SNTG2: variants seen among roughly 807,000 people sequenced by gnomAD.
SNTG2 encodes the protein gamma-2-syntrophin.
A neutral mutation model predicts 70.9 loss-of-function variants in SNTG2; 74 were observed. The observed-to-expected ratio is 1.04, with a 90% CI of 0.86 to 1.27. SNTG2 has a LOEUF of 1.27. Among genes scored for constraint, SNTG2 ranks in the 50% most tolerant of loss-of-function variants. The pLI is 0.00. For synonymous variants in SNTG2, 278 were observed against 273.8 expected (o/e 1.02, Z -0.15); for missense variants, 717 against 690.7 (o/e 1.04, Z -0.43).
chr2:1,242,364 G>A (rs572617432), intron 11 of SNTG2, among the ~76,000 whole-genome samples: 3 of 152,186 alleles, frequency 2.0e-5, no homozygotes, highest in Non-Finnish European at 4.4e-5. Context: ...ATAAATAAAG[G>A]TGTTTAACAA....
intron 6 of SNTG2, among the ~76,000 whole-genome samples, chr2:1,138,563 C>T (rs796935053): frequency 2.6e-5 from 4 of 151,924 alleles, no homozygotes; most frequent in Non-Finnish European, 4.4e-5. Context: ...AGGTGGAGGG[C>T]GAAGCGGGTG....
intron 16 of SNTG2, among the ~76,000 whole-genome samples, chr2:1,338,805 T>C (rs1324232063): frequency 2.6e-5 from 4 of 152,250 alleles, no homozygotes; most frequent in Non-Finnish European, 4.4e-5. Context: ...CTTTTGGCTA[T>C]TGTGAATAAT....
chr2:1,069,324 A>C (rs1174376580), intron 1 of SNTG2, among the ~76,000 whole-genome samples: 1 of 147,450 alleles, frequency 6.8e-6, no homozygotes, highest in Non-Finnish European at 1.5e-5. Context: ...AAATGAAAAA[A>C]ATTCTTATAT....
chr2:1,100,339 G>A (rs947489596), intron 4 of SNTG2, among the ~76,000 whole-genome samples: 7 of 152,062 alleles, frequency 4.6e-5, no homozygotes, highest in African/African-American at 1.4e-4. Flanking sequence ...GCTAATTTTT[G>A]TATTTTTAGT....
At chr2:980,974 A>C (rs1661078915) in intron 1 of SNTG2, among the ~76,000 whole-genome samples, 1 of 152,160 alleles carries the variant, frequency 6.6e-6, no homozygotes. Context: ...CTTATAGGGA[A>C]ACTTAGGCAA....
chr2:1,097,970 C>T lies in SNTG2; in HGVS notation c.211-226C>T, dbSNP rs1281694644. Among the ~76,000 whole-genome samples the T allele has an allele frequency of 6.6e-6, 1 of 151,960 alleles. No homozygotes were observed. The highest frequency in any genetic ancestry group is 1.5e-5 in the Non-Finnish European group (1 of 68,028). Reference sequence around the variant, plus strand: ...GTGGGGATTCTTCCTGGATTTCAGACAATGCCTGGAATGGGGCCTATTCTT... The same window carrying T: ...GTGGGGATTCTTCCTGGATTTCAGATAATGCCTGGAATGGGGCCTATTCTT... On this transcript the variant is annotated intron_variant, in intron 2 of 16. Coordinates refer to ENST00000308624, the MANE Select transcript of SNTG2 (RefSeq NM_018968.4). The surrounding 1 kb of genome is among the most constrained non-coding windows in gnomAD (Gnocchi z 4.1).
intron 16 of SNTG2, among the ~76,000 whole-genome samples, chr2:1,351,054 G>C (rs1660546465): frequency 6.6e-6 from 1 of 151,740 alleles, no homozygotes; most frequent in Non-Finnish European, 1.5e-5. Flanking sequence ...ATAAGTGTAG[G>C]AGTTATTTAT....
At chr2:1,361,490 T>C (rs1661142485) in intron 16 of SNTG2, among the ~76,000 whole-genome samples, 1 of 152,258 alleles carries the variant, frequency 6.6e-6, no homozygotes, top group South Asian at 2.1e-4. Context: ...TTTCTCCAAA[T>C]CTATGCAAAC....
chr2:1,037,861 C>T (rs10198369), intron 1 of SNTG2, among the ~76,000 whole-genome samples: 126,193 of 152,118 alleles, frequency 0.83, 53,496 homozygotes, highest in African/African-American at 0.96. Context: ...ACTTTCTGGT[C>T]GTCTTTAAGC....
At chr2:1,102,935 T>C (rs1389141900) in intron 4 of SNTG2, among the ~76,000 whole-genome samples, 1 of 152,218 alleles carries the variant, frequency 6.6e-6, no homozygotes, top group Non-Finnish European at 1.5e-5. Context: ...GCCTCTGAAT[T>C]GCCTGAGCAG....
chr2:1,112,749 G>T (rs1264794608), intron 4 of SNTG2, among the ~76,000 whole-genome samples: 1 of 149,742 alleles, frequency 6.7e-6, no homozygotes, highest in Admixed American at 6.6e-5. Flanking sequence ...ACTAAGTGAG[G>T]TTTAACCCTT....
chr2:1,336,838 A>G (rs774691140), intron 16 of SNTG2, among the ~76,000 whole-genome samples: 4 of 142,504 alleles, frequency 2.8e-5, no homozygotes, highest in Non-Finnish European at 4.9e-5. Context: ...CACTAGTACC[A>G]TGCTGTTTTG....
intron 1 of SNTG2, among the ~76,000 whole-genome samples, chr2:976,876 C>G (rs1387051224): frequency 6.6e-6 from 1 of 152,140 alleles, no homozygotes; most frequent in Non-Finnish European, 1.5e-5. Context: ...CAGATTTGCT[C>G]AGTTTACCCA....
chr2:952,819 C>T (rs763937672), intron 1 of SNTG2, among the ~76,000 whole-genome samples: 1 of 152,174 alleles, frequency 6.6e-6, no homozygotes. Flanking sequence ...GTATTTAAAA[C>T]GAATCTGTTA....
rs542743319 is a variant in SNTG2, at chr2:1,353,268, G to C, written c.1489-14075G>C. On this transcript the variant is annotated intron_variant, in intron 16 of 16. Transcript: ENST00000308624. The surrounding 1 kb of genome is among the most constrained non-coding windows in gnomAD (Gnocchi z 4.2). ...CAGAAACAGTGGGCGGAAGGAGCAC[G>C]ACCTGAGCTCCAGGGTGTGTTCATA... Among the ~76,000 whole-genome samples, 2 of 152,254 alleles carry C rather than the reference G, an allele frequency of 1.3e-5. No homozygotes were observed. Among genetic ancestry groups the C allele is most frequent in the South Asian group, 2.1e-4 (1 of 4,814 alleles).
chr2:979,692 C>G (rs1361617630), intron 1 of SNTG2, among the ~76,000 whole-genome samples: 1 of 152,124 alleles, frequency 6.6e-6, no homozygotes. Flanking sequence ...TTGCTTTTCT[C>G]AAGACCGGGA....
chr2:967,732 G>C (rs1003967848), intron 1 of SNTG2, among the ~76,000 whole-genome samples: 10 of 152,272 alleles, frequency 6.6e-5, no homozygotes, highest in East Asian at 5.8e-4. Context: ...ATACGAATTA[G>C]AAAGTGTCTT....
At chr2:1,136,498 C>T (rs1668394618) in intron 4 of SNTG2, among the ~76,000 whole-genome samples, 1 of 152,158 alleles carries the variant, frequency 6.6e-6, no homozygotes. Context: ...CATTGCTGTA[C>T]AGAATCGGTA....
intron 4 of SNTG2, among the ~76,000 whole-genome samples, chr2:1,114,843 G>A (rs932588237): frequency 6.6e-6 from 1 of 151,906 alleles, no homozygotes; most frequent in Admixed American, 6.5e-5. Context: ...TACTAAGTAA[G>A]GTTTAACCCT....
Sources: gnomAD v4.1 joint callset for allele counts (sites outside exome capture counted in the v4.1 genomes callset) on GRCh38, gnomAD v4.1.1 for gene constraint, Gnocchi (gnomAD v3.1) non-coding constraint, MANE v1.5 for transcripts, NCBI Gene and HGNC (gene_info 2026-07-23, HGNC 2026-07-21) for gene names.